SORCS1: variants seen among roughly 807,000 people sequenced by gnomAD.
The protein encoded by SORCS1 is VPS10 domain-containing receptor SorCS1.
A neutral mutation model predicts 146.1 loss-of-function variants in SORCS1; 60 were observed. The observed-to-expected ratio is 0.41, with a 90% CI of 0.33 to 0.51. The LOEUF (loss-of-function observed/expected upper bound fraction) is 0.51. Ranked by LOEUF, SORCS1 falls within the 20% of genes least tolerant of loss-of-function variation. The pLI, the probability that SORCS1 is intolerant of heterozygous loss-of-function variation, is 0.21. For missense variants in SORCS1, 1,352 were observed against 1,487.6 expected (o/e 0.91, Z 1.50); for synonymous variants, 637 against 584.0 (o/e 1.09, Z -1.31).
intron 10 of SORCS1, among the ~76,000 whole-genome samples, chr10:106,683,666 C>T (rs981791528): frequency 2.0e-5 from 3 of 152,204 alleles, no homozygotes; most frequent in African/African-American, 4.8e-5. Context: ...CCTTTAGATG[C>T]TATCTTCATG....
chr10:106,771,980 A>T (rs1405223230), intron 4 of SORCS1, among the ~76,000 whole-genome samples: 2 of 152,244 alleles, frequency 1.3e-5, no homozygotes, highest in Non-Finnish European at 2.9e-5. Flanking sequence ...CAGACAAGAT[A>T]GCATTTACCT....
chr10:106,752,703 A>G (rs533710995), intron 5 of SORCS1, among the ~76,000 whole-genome samples: 11 of 152,288 alleles, frequency 7.2e-5, no homozygotes, highest in Admixed American at 2.6e-4. Context: ...AGGAAGATGA[A>G]TGGAGAGGCT....
At chr10:106,609,959 C>T (rs1032176264) in intron 22 of SORCS1, among the ~76,000 whole-genome samples, 5 of 152,118 alleles carry the variant, frequency 3.3e-5, no homozygotes, top group Admixed American at 6.6e-5. Flanking sequence ...ACAGTGGGTT[C>T]GTTAAAGAGC....
chr10:106,713,398 C>T (rs1855136958), intron 6 of SORCS1, among the ~76,000 whole-genome samples: 1 of 152,212 alleles, frequency 6.6e-6, no homozygotes, highest in South Asian at 2.1e-4. Context: ...GATGCATACA[C>T]AATTCTTGTT....
At chr10:106,866,492 C>G (rs971034607) in intron 2 of SORCS1, among the ~76,000 whole-genome samples, 2 of 152,210 alleles carry the variant, frequency 1.3e-5, no homozygotes, top group Non-Finnish European at 2.9e-5. Context: ...CCTCTGCTAT[C>G]TCCAAGTTAG....
In SORCS1 at chr10:106,654,080, T is replaced by C. The variant is rs115288856; in HGVS notation, c.2304-1527A>G. ...CTTTCTGCTTCAGTGTCCTCCTGCA[T>C]GCCCTAGCAGCTGCCTAAAATTTGC... On this transcript the variant is annotated intron_variant, in intron 17 of 25. Transcript: ENST00000263054. Among the ~76,000 whole-genome samples, 1,134 of 152,308 alleles carry C rather than the reference T, an allele frequency of 7.4e-3. 14 individuals carry two copies. The highest frequency in any genetic ancestry group is 0.026 in the African/African-American group (1,094 of 41,568).
intron 6 of SORCS1, among the ~76,000 whole-genome samples, chr10:106,719,417 TC>T (rs1233198593): frequency 7.9e-4 from 57 of 72,206 alleles, no homozygotes; most frequent in African/African-American, 2.3e-3. Flanking sequence ...TTTCTTTCTT[TC>T]TTTTTTTTTT....
chr10:107,035,537 C>A (rs1341584450), intron 1 of SORCS1, among the ~76,000 whole-genome samples: 1 of 152,126 alleles, frequency 6.6e-6, no homozygotes, highest in Non-Finnish European at 1.5e-5. Context: ...AAAAGTGAAT[C>A]AGAGAACTAT....
At chr10:106,735,430 A>T (rs181256831) in intron 5 of SORCS1, among the ~76,000 whole-genome samples, 1 of 152,340 alleles carries the variant, frequency 6.6e-6, no homozygotes, top group East Asian at 1.9e-4. Flanking sequence ...TCTAACATTC[A>T]AGGTGCTATT....
intron 3 of SORCS1, among the ~76,000 whole-genome samples, chr10:106,823,688 A>C (rs574169598): frequency 6.6e-6 from 1 of 152,328 alleles, no homozygotes; most frequent in Non-Finnish European, 1.5e-5. Context: ...GTGAGAGTAA[A>C]GTGCTAGAAA....
At chr10:106,670,067 T>C (rs985703930) in intron 16 of SORCS1, among the ~76,000 whole-genome samples, 1 of 152,090 alleles carries the variant, frequency 6.6e-6, no homozygotes, top group Non-Finnish European at 1.5e-5. Context: ...CAAGTATTAA[T>C]TTTTTAACAC....
intron 1 of SORCS1, among the ~76,000 whole-genome samples, chr10:107,103,055 G>A (rs773276330): frequency 6.6e-5 from 10 of 152,178 alleles, no homozygotes; most frequent in East Asian, 3.9e-4. Context: ...ACTCCTGCCC[G>A]GGCAGTTGCC....
chr10:106,588,473 G>A (rs1845376141), intron 24 of SORCS1, among the ~76,000 whole-genome samples: 1 of 152,086 alleles, frequency 6.6e-6, no homozygotes, highest in Non-Finnish European at 1.5e-5. Flanking sequence ...TTATGCAGAT[G>A]GATTTCTGTC....
intron 2 of SORCS1, among the ~76,000 whole-genome samples, chr10:106,868,120 G>C (rs924449570): frequency 6.6e-6 from 1 of 152,168 alleles, no homozygotes; most frequent in Non-Finnish European, 1.5e-5. Context: ...TTACATCATA[G>C]TAAAGGGTTC....
chr10:106,918,462 T>C (rs7088239), intron 2 of SORCS1, among the ~76,000 whole-genome samples: 7,024 of 152,176 alleles, frequency 0.046, 504 homozygotes, highest in African/African-American at 0.15. Flanking sequence ...CGTGCCTGGC[T>C]AAAGATGTTT....
chr10:106,899,722 T>C (rs1951628220), intron 2 of SORCS1, among the ~76,000 whole-genome samples: 1 of 152,042 alleles, frequency 6.6e-6, no homozygotes, highest in African/African-American at 2.4e-5. Flanking sequence ...TAGAGTCTTT[T>C]AATGACTCCC....
intron 1 of SORCS1, among the ~76,000 whole-genome samples, chr10:107,029,054 C>A (rs7095448): frequency 0.096 from 14,635 of 152,114 alleles, 1,580 homozygotes; most frequent in African/African-American, 0.27. Context: ...CCAACTGAAG[C>A]CAAATAATTT....
At chr10:106,946,315 G>C (rs1954341441) in intron 2 of SORCS1, among the ~76,000 whole-genome samples, 1 of 152,184 alleles carries the variant, frequency 6.6e-6, no homozygotes, top group African/African-American at 2.4e-5. Flanking sequence ...TTCCAGGTTA[G>C]TATGTGATAT....
intron 12 of SORCS1, among the ~76,000 whole-genome samples, chr10:106,677,660 T>C (rs1041642057): frequency 2.0e-5 from 3 of 152,232 alleles, no homozygotes; most frequent in Non-Finnish European, 4.4e-5. Context: ...CTTAGATTCC[T>C]TCATTTTCAT....
Sources: gnomAD v4.1 joint callset for allele counts (sites outside exome capture counted in the v4.1 genomes callset) on GRCh38, gnomAD v4.1.1 for gene constraint, MANE v1.5 for transcripts, NCBI Gene and HGNC (gene_info 2026-07-23, HGNC 2026-07-21) for gene names.